GALNS: variants seen among roughly 807,000 people sequenced by gnomAD.
GALNS encodes the protein galactosamine (N-acetyl)-6-sulfatase.
A neutral mutation model predicts 65.9 loss-of-function variants in GALNS; 65 were observed. The ratio of observed to expected loss-of-function variants is 0.99; its 90% CI spans 0.81 to 1.21. The LOEUF is 1.21. Among genes scored for constraint, GALNS ranks in the 50% most tolerant of loss-of-function variants. The pLI is 0.00. For missense variants in GALNS, 776 were observed against 700.7 expected (o/e 1.11, Z -1.21); for synonymous variants, 346 against 288.9 (o/e 1.20, Z -2.00).
At position 88,832,079 on chromosome 16, in the gene GALNS, C is replaced by T. The variant is rs201986622; in HGVS notation, c.921G>A (p.Leu307=). 6.2e-7 allele frequency: 1 copy of T among 1,613,896 alleles called. No individual in the cohort carries two copies. The highest frequency in any genetic ancestry group is 8.5e-7 in the Non-Finnish European group (1 of 1,179,924). ...CTTCAAACGTGGTCTGCTTCCCACA[C>T]AGAAAGGGGCCGTTGCTGCCACCTG... is the stretch of plus-strand genomic sequence containing the variant. ...PEQGGSNGPF[L]CGKQTTFEGG... The change falls in exon 9 of 14, where the codon CTG becomes CTA. Residue 307 remains leucine, a synonymous_variant. Coordinates refer to ENST00000268695, the MANE Select transcript of GALNS (RefSeq NM_000512.5).
chr16:88,833,331 AGGGACAATGGACACTGAGCTG>A lies in GALNS; in HGVS notation c.899-1251_899-1231del, dbSNP rs372151640. 5.0e-3 allele frequency among the ~76,000 whole-genome samples: 766 copies of A among 152,280 alleles called. 10 individuals are homozygous for A. The highest frequency in any genetic ancestry group is 0.017 in the African/African-American group (718 of 41,552). ...AGCAGCAGAGCCACAGAACCTGTGA[AGGGACAATGGACACTGAGCTG>A]GGGACACTGGCCACTTCTAGGGGAC... On this transcript the variant is annotated intron_variant, in intron 8 of 13. Transcript: ENST00000268695.
In GALNS at chr16:88,837,776, GA is replaced by G; in HGVS notation, c.423-12del. The G allele has an allele frequency of 6.2e-7, 1 of 1,613,856 alleles. No homozygotes were observed. The highest frequency in any genetic ancestry group is 8.5e-7 in the Non-Finnish European group (1 of 1,179,992). On this transcript the variant is annotated splice_polypyrimidine_tract_variant and intron_variant, in intron 4 of 13. Coordinates refer to ENST00000268695, the MANE Select transcript of GALNS (RefSeq NM_000512.5). ...CTGTGACCCAGATGCCTGGAAACAG[GA>G]ACCCAGGACACTTCAGGGACCCCAC... is the stretch of plus-strand genomic sequence containing the variant.
rs2143005467 is a variant in GALNS at position 88,842,713 on chromosome 16, GCA to G, written c.235_236del (p.Cys79LeufsTer78). On this transcript the variant is annotated frameshift_variant, in exon 2 of 14. Coordinates refer to ENST00000268695, the MANE Select transcript of GALNS (RefSeq NM_000512.5). LOFTEE classifies it high-confidence loss of function. The stretch of plus-strand genomic sequence containing the variant: ...AGGGCCCCGCTGACTTACATGGCGA[GCA>G]CAGAGGGTTGGCAGAATAGAAGTTT... ...FPNFYSANPLCSPSRAALLTG... is the reference protein window; with the variant it reads ...FPNFYSANPLXSPSRAALLTG... 1.9e-6 allele frequency: 3 copies of G among 1,612,774 alleles called. No individual in the cohort carries two copies. Among genetic ancestry groups the G allele is most frequent in the Non-Finnish European group, 2.5e-6 (3 of 1,179,724 alleles).
chr16:88,817,314 TTG>T (rs1381994160), intron 13 of GALNS: 3 of 985,304 alleles, frequency 3.0e-6, no homozygotes, highest in Non-Finnish European at 3.6e-6. Context: ...ACGTCTGTGC[TTG>T]TGTTTCTGGC....
At chr16:88,832,950 G>T (rs112195168) in intron 8 of GALNS, among the ~76,000 whole-genome samples, 1 of 151,634 alleles carries the variant, frequency 6.6e-6, no homozygotes, top group African/African-American at 2.4e-5. Flanking sequence ...GTGGCGGCAC[G>T]TCCTGTAGTC....
intron 13 of GALNS, chr16:88,817,008 G>C (rs901581964): frequency 2.0e-6 from 2 of 985,352 alleles, no homozygotes; most frequent in Admixed American, 1.2e-4. Flanking sequence ...CGACACCGCA[G>C]ACCTGTGTGT....
chr16:88,826,342 G>A (rs1910913318), intron 10 of GALNS, among the ~76,000 whole-genome samples: 1 of 148,756 alleles, frequency 6.7e-6, no homozygotes, highest in African/African-American at 2.5e-5. Context: ...CAGGGGTGCG[G>A]CGGACAGGGG....
At chr16:88,823,476 C>A (rs938739231) in intron 11 of GALNS, among the ~76,000 whole-genome samples, 1 of 152,146 alleles carries the variant, frequency 6.6e-6, no homozygotes, top group African/African-American at 2.4e-5. Flanking sequence ...CCAGGACGGC[C>A]CTCGCAGGCG....
chr16:88,816,093 C>A (rs989539978), intron 13 of GALNS: 1 of 985,314 alleles, frequency 1.0e-6, no homozygotes, highest in Non-Finnish European at 1.2e-6. Flanking sequence ...CCCCTCAGAC[C>A]CCAGTGGCTC....
At chr16:88,853,108 G>A (rs1166151511) in intron 1 of GALNS, among the ~76,000 whole-genome samples, 3 of 152,044 alleles carry the variant, frequency 2.0e-5, no homozygotes, top group South Asian at 4.1e-4. Context: ...AAAATTAGCT[G>A]GGCACGGTGG....
At chr16:88,855,044 G>T in intron 1 of GALNS, 3 of 376,342 alleles carry the variant, frequency 8.0e-6, no homozygotes, top group South Asian at 2.0e-5. Flanking sequence ...CTGAACCCTT[G>T]CTGTCCTATG....
intron 4 of GALNS, among the ~76,000 whole-genome samples, chr16:88,839,565 G>T (rs948170402): frequency 6.6e-6 from 1 of 152,192 alleles, no homozygotes; most frequent in African/African-American, 2.4e-5. Flanking sequence ...CCAGGTGAGG[G>T]GCCTCAGGGA....
intron 12 of GALNS, 138 bp downstream of exon 12, chr16:88,822,451 G>A: frequency 8.7e-7 from 1 of 1,153,996 alleles, no homozygotes; most frequent in Non-Finnish European, 1.3e-6. Flanking sequence ...AAGCACGTGT[G>A]GGTATGAATA....
Position 88,852,500 on chromosome 16 carries a change from G to A in GALNS, c.120+4258C>T, listed in dbSNP as rs1195617233. Among the ~76,000 whole-genome samples the A allele has an allele frequency of 2.6e-5, 4 of 152,202 alleles. No homozygotes were observed. The East Asian group carries it at 5.8e-4, about 22-fold the overall frequency. Reference sequence around the variant, plus strand: ...CTCCTCCAAAGGATCGCAGCTCCTCGCCAGCAAGGGAACAAAGCTGGACAG... The same window carrying A: ...CTCCTCCAAAGGATCGCAGCTCCTCACCAGCAAGGGAACAAAGCTGGACAG... On this transcript the variant is annotated intron_variant, in intron 1 of 13. Coordinates refer to ENST00000268695, the MANE Select transcript of GALNS (RefSeq NM_000512.5).
At chr16:88,836,071 G>A in intron 6 of GALNS, 130 bp downstream of exon 6, 1 of 1,093,400 alleles carries the variant, frequency 9.1e-7, no homozygotes, top group Non-Finnish European at 1.4e-6. Flanking sequence ...GGGTGATGAG[G>A]TCCCTGAACC....
Position 88,835,343 on chromosome 16 carries a change from G to A in GALNS, c.768C>T (p.Asp256=), listed in dbSNP as rs746924355. The change falls in exon 8 of 14, where the codon GAC becomes GAT. Residue 256 remains aspartate, a synonymous_variant. Transcript: ENST00000268695. ...LGTSQRGRYG[D]AVREIDDSIG... is the part of the protein sequence containing the mutation. The stretch of plus-strand genomic sequence containing the variant: ...TGCTGTCATCAATCTCCCGGACGGC[G>A]TCTCCATACCTGCAGGATGGTGACA... 11 of 1,613,688 alleles carry A rather than the reference G, an allele frequency of 6.8e-6. No homozygotes were observed. Among genetic ancestry groups the A allele is most frequent in the East Asian group, 2.2e-5 (1 of 44,886 alleles).
intron 8 of GALNS, among the ~76,000 whole-genome samples, chr16:88,833,623 TTG>T (rs1911754562): frequency 6.6e-6 from 1 of 151,912 alleles, no homozygotes; most frequent in Admixed American, 6.6e-5. Context: ...GGCTAATTTT[TTG>T]TTTTTCAGTA....
chr16:88,853,931 C>G (rs1967632507), intron 1 of GALNS, among the ~76,000 whole-genome samples: 2 of 152,196 alleles, frequency 1.3e-5, no homozygotes, highest in Admixed American at 6.5e-5. Context: ...CAATGGTTCT[C>G]TCCCGGGTCA....
Position 88,814,318 on chromosome 16 carries a change from G to T in GALNS, c.*121C>A. On this transcript the variant is annotated 3_prime_UTR_variant, in exon 14 of 14. Transcript: ENST00000268695. ...GGAATTGTGCAGTCCCCCTGCGTCT[G>T]CAGGTGCTGTCTGTCTGGCTTGGGC... is the stretch of plus-strand genomic sequence containing the variant. 7.6e-7 allele frequency: 1 copy of T among 1,311,436 alleles called. No homozygotes were observed. The highest frequency in any genetic ancestry group is 1.1e-6 in the Non-Finnish European group (1 of 932,322). The allele number at this position is 1,311,436 out of a possible 1,614,324, so 81.2% of individuals were successfully genotyped here.
Sources: allele counts gnomAD v4.1 joint callset (sites outside exome capture counted in the v4.1 genomes callset), GRCh38; gene constraint gnomAD v4.1.1; transcripts MANE v1.5; gene names NCBI Gene and HGNC (gene_info 2026-07-23, HGNC 2026-07-21).